ERC1: variants seen among roughly 807,000 people sequenced by gnomAD.
ERC1 encodes the protein RAB6 interacting protein 2.
A neutral mutation model predicts 132.0 loss-of-function variants in ERC1; 56 were observed. That is an observed-to-expected ratio of 0.42 (90% CI 0.34 to 0.53). The LOEUF (loss-of-function observed/expected upper bound fraction) is 0.53, where lower values mean the gene tolerates loss of function less well. Ranked by LOEUF, ERC1 falls within the 20% of genes least tolerant of loss-of-function variation. The probability of loss-of-function intolerance (pLI) is 0.03; values close to 1 mark genes in which losing one functional copy is unlikely to be tolerated. For missense variants in ERC1, 1,202 were observed against 1,349.9 expected, an observed-to-expected ratio of 0.89 and a Z score of 1.72; for synonymous variants, 478 against 476.1, an observed-to-expected ratio of 1.00 and a Z score of -0.05.
At chr12:1,068,494 A>G (rs1006486035) in intron 2 of ERC1, among the ~76,000 whole-genome samples, 3 of 152,104 alleles carry the variant, frequency 2.0e-5, no homozygotes, top group Non-Finnish European at 4.4e-5. Context: ...TAAAAAAAAA[A>G]GTAGTCACTC....
chr12:1,025,017 C>G (rs1966842555), intron 1 of ERC1, among the ~76,000 whole-genome samples: 1 of 152,018 alleles, frequency 6.6e-6, no homozygotes, highest in Non-Finnish European at 1.5e-5. Flanking sequence ...AGGTTTTATG[C>G]AATTACTGTG....
chr12:1,356,213 AG>A (rs1156325252), intron 15 of ERC1, among the ~76,000 whole-genome samples: 5 of 130,012 alleles, frequency 3.8e-5, no homozygotes, highest in Non-Finnish European at 6.2e-5. Flanking sequence ...AAAAAAAAAA[AG>A]TGTGTGTGTG....
intron 13 of ERC1, among the ~76,000 whole-genome samples, chr12:1,256,418 TAAAAA>T (rs796558976): frequency 8.1e-6 from 1 of 123,686 alleles, no homozygotes; most frequent in Non-Finnish European, 1.7e-5. Context: ...GTTCTCAGAC[TAAAAA>T]AAAAAAAAAA....
At chr12:1,467,351 C>G (rs2093763732) in intron 18 of ERC1, among the ~76,000 whole-genome samples, 1 of 151,982 alleles carries the variant, frequency 6.6e-6, no homozygotes, top group South Asian at 2.1e-4. Flanking sequence ...TCAGTTTCTC[C>G]TTAGCGTGCC....
chr12:1,012,843 C>T (rs939211411), intron 1 of ERC1, among the ~76,000 whole-genome samples: 1 of 152,154 alleles, frequency 6.6e-6, no homozygotes, highest in African/African-American at 2.4e-5. Flanking sequence ...AGAGAGATGA[C>T]ATGCATATAT....
At chr12:1,048,568 G>A (rs1971438557) in intron 2 of ERC1, among the ~76,000 whole-genome samples, 1 of 152,152 alleles carries the variant, frequency 6.6e-6, no homozygotes, top group South Asian at 2.1e-4. Flanking sequence ...TTTGTGCCAA[G>A]TGTTCATTTA....
At chr12:1,481,420 T>G (rs1269434585) in intron 18 of ERC1, among the ~76,000 whole-genome samples, 1 of 152,180 alleles carries the variant, frequency 6.6e-6, no homozygotes, top group Non-Finnish European at 1.5e-5. Context: ...AGCTTTACAA[T>G]CAAAGTCAAC....
chr12:1,029,564 G>T (rs754557324), intron 2 of ERC1, among the ~76,000 whole-genome samples: 29 of 151,926 alleles, frequency 1.9e-4, no homozygotes, highest in Non-Finnish European at 1.3e-4. Context: ...TATGGGCTTT[G>T]CAATTTGAGA....
intron 16 of ERC1, among the ~76,000 whole-genome samples, chr12:1,387,291 T>G (rs1010750295): frequency 1.3e-5 from 2 of 152,176 alleles, no homozygotes; most frequent in Admixed American, 6.6e-5. Flanking sequence ...TTAAGATTTT[T>G]GGGGATACTG....
chr12:1,098,478 G>A (rs1013242176), intron 3 of ERC1, among the ~76,000 whole-genome samples: 7 of 152,186 alleles, frequency 4.6e-5, no homozygotes, highest in Admixed American at 6.5e-5. Flanking sequence ...AAATACTTCC[G>A]CACTAGAACA....
chr12:1,400,916 A>ATTATTATTATTTTTTT (rs2090981093), intron 16 of ERC1, among the ~76,000 whole-genome samples: 6 of 15,040 alleles, frequency 4.0e-4, no homozygotes, highest in African/African-American at 1.5e-3. Flanking sequence ...CTATTTTTGT[A>ATTATTATTATTTTTTT]TTTTTTTTTT....
intron 12 of ERC1, among the ~76,000 whole-genome samples, chr12:1,228,816 A>G (rs920212463): frequency 6.6e-6 from 1 of 152,176 alleles, no homozygotes; most frequent in Non-Finnish European, 1.5e-5. Flanking sequence ...AGTGTGGTGT[A>G]TGACGTTTAT....
intron 2 of ERC1, among the ~76,000 whole-genome samples, chr12:1,081,159 T>C (rs1256498227): frequency 6.6e-6 from 1 of 152,222 alleles, no homozygotes; most frequent in Non-Finnish European, 1.5e-5. Flanking sequence ...TTGTTGCTTC[T>C]TCATTCCTAA....
chr12:1,437,815 G>A (rs1479493697), intron 17 of ERC1, among the ~76,000 whole-genome samples: 1 of 152,204 alleles, frequency 6.6e-6, no homozygotes, highest in Non-Finnish European at 1.5e-5. Flanking sequence ...ATTGGCAACA[G>A]ATTTGTGAGC....
chr12:1,092,601 T>C (rs1208910969), intron 3 of ERC1, among the ~76,000 whole-genome samples: 1 of 152,194 alleles, frequency 6.6e-6, no homozygotes, highest in African/African-American at 2.4e-5. Flanking sequence ...AAACAGTTTA[T>C]GATGGTATGT....
chr12:1,065,913 C>G (rs1467020644), intron 2 of ERC1, among the ~76,000 whole-genome samples: 4 of 152,110 alleles, frequency 2.6e-5, no homozygotes, highest in Admixed American at 2.0e-4. Flanking sequence ...GAGCCAGATA[C>G]AAAAGATCAC....
chr12:1,331,758 C>T (rs1454106226), intron 15 of ERC1, among the ~76,000 whole-genome samples: 4 of 152,186 alleles, frequency 2.6e-5, no homozygotes, highest in East Asian at 1.9e-4. Flanking sequence ...CCCGAGGCTG[C>T]TTTCGGATCC....
At chr12:997,618 A>G (rs1385672393) in intron 1 of ERC1, among the ~76,000 whole-genome samples, 1 of 152,184 alleles carries the variant, frequency 6.6e-6, no homozygotes, top group African/African-American at 2.4e-5. Flanking sequence ...CTTACTGAGT[A>G]TGGGGGATGT....
At chr12:1,253,205 G>A (rs2076572446) in intron 13 of ERC1, among the ~76,000 whole-genome samples, 1 of 151,956 alleles carries the variant, frequency 6.6e-6, no homozygotes, top group African/African-American at 2.4e-5. Flanking sequence ...TCTTTCTGCT[G>A]CAGAAAAAGG....
Sources: gnomAD v4.1 joint callset for allele counts (sites outside exome capture counted in the v4.1 genomes callset) on GRCh38, gnomAD v4.1.1 for gene constraint, MANE v1.5 for transcripts, NCBI Gene and HGNC (gene_info 2026-07-23, HGNC 2026-07-21) for gene names.